Variants in CHN1 observed in about 807,000 individuals in gnomAD.
The protein encoded by CHN1 is N-chimaerin.
Under a neutral mutation model 59.5 loss-of-function variants are expected in CHN1, and 37 were observed. The observed-to-expected ratio is 0.62, with a 90% CI of 0.48 to 0.82. CHN1 has a LOEUF of 0.82. Among genes scored for constraint, CHN1 ranks in the 40% least tolerant of loss-of-function variants. CHN1 has a pLI of 0.00. For synonymous variants in CHN1, 206 were observed against 200.4 expected, an observed-to-expected ratio of 1.03 and a Z score of -0.24; for missense variants, 469 against 571.0, an observed-to-expected ratio of 0.82 and a Z score of 1.82.
intron 5 of CHN1, among the ~76,000 whole-genome samples, chr2:174,902,561 AGAG>A (rs1327056842): frequency 1.3e-5 from 2 of 152,164 alleles, no homozygotes; most frequent in Admixed American, 6.5e-5. Context: ...ATCTAAACTA[AGAG>A]GAGAAAAACA....
At chr2:174,953,626 T>C (rs1333620945) in intron 1 of CHN1, among the ~76,000 whole-genome samples, 1 of 152,094 alleles carries the variant, frequency 6.6e-6, no homozygotes, top group Non-Finnish European at 1.5e-5. Flanking sequence ...ACACCAACTG[T>C]GACCAAGCTG....
intron 3 of CHN1, among the ~76,000 whole-genome samples, chr2:174,939,746 T>C (rs1031169850): frequency 3.9e-5 from 6 of 152,182 alleles, no homozygotes; most frequent in African/African-American, 1.2e-4. Flanking sequence ...TATTTAATCA[T>C]CCTTGATCAC....
chr2:174,955,200 AATTGATATATATATATATC>A (rs1213889352), intron 1 of CHN1, among the ~76,000 whole-genome samples: 7 of 41,262 alleles, frequency 1.7e-4, no homozygotes, highest in East Asian at 4.1e-4. Flanking sequence ...ATATATATAT[AATTGATATATATATATATC>A]TATATAGATA....
At chr2:174,925,111 T>C (rs1689131769) in intron 3 of CHN1, among the ~76,000 whole-genome samples, 1 of 151,924 alleles carries the variant, frequency 6.6e-6, no homozygotes, top group Non-Finnish European at 1.5e-5. Context: ...AATCCTAAGG[T>C]CTCCCACCAA....
chr2:174,805,044 TAA>T (rs1471441547), intron 11 of CHN1, among the ~76,000 whole-genome samples: 2 of 152,192 alleles, frequency 1.3e-5, no homozygotes, highest in African/African-American at 2.4e-5. Context: ...AAGCATAATT[TAA>T]GAGAGAAATA....
chr2:174,938,955 C>T (rs893529396), intron 3 of CHN1, among the ~76,000 whole-genome samples: 6 of 151,878 alleles, frequency 4.0e-5, no homozygotes, highest in African/African-American at 1.5e-4. Flanking sequence ...AAAGTTAATA[C>T]AATAAATATT....
intron 1 of CHN1, among the ~76,000 whole-genome samples, chr2:174,957,087 A>C (rs1460937296): frequency 2.0e-5 from 3 of 152,136 alleles, no homozygotes; most frequent in Non-Finnish European, 2.9e-5. Context: ...CAGCAACAAC[A>C]CTGGAACTCA....
At chr2:174,844,273 C>A (rs970361270) in intron 7 of CHN1, among the ~76,000 whole-genome samples, 1 of 151,394 alleles carries the variant, frequency 6.6e-6, no homozygotes, top group African/African-American at 2.4e-5. Flanking sequence ...ACTAAAAAAA[C>A]CCCAAACCCC....
chr2:174,962,663 CGGGGGG>C (rs539001023), intron 1 of CHN1, among the ~76,000 whole-genome samples: 27 of 18,052 alleles, frequency 1.5e-3, no homozygotes, highest in African/African-American at 2.6e-3. Flanking sequence ...TTGGAAGGCC[CGGGGGG>C]GGGGGGGGGG....
chr2:174,975,847 A>C (rs2105443564), intron 1 of CHN1, among the ~76,000 whole-genome samples: 1 of 152,050 alleles, frequency 6.6e-6, no homozygotes. Context: ...TAAAACAAAC[A>C]AAAGTGGCTC....
chr2:174,976,331 G>A (rs1690937848), intron 1 of CHN1, among the ~76,000 whole-genome samples: 1 of 151,568 alleles, frequency 6.6e-6, no homozygotes, highest in African/African-American at 2.4e-5. Context: ...TCCGCCTCCC[G>A]GGTTCAAGCA....
intron 5 of CHN1, among the ~76,000 whole-genome samples, chr2:174,894,665 C>T (rs998201170): frequency 1.3e-5 from 2 of 152,070 alleles, no homozygotes; most frequent in Non-Finnish European, 2.9e-5. Flanking sequence ...AAGATACTTG[C>T]ACACCCATAT....
intron 7 of CHN1, among the ~76,000 whole-genome samples, chr2:174,839,980 TTAAAC>T (rs1686232394): frequency 6.6e-6 from 1 of 151,998 alleles, no homozygotes; most frequent in Non-Finnish European, 1.5e-5. Context: ...TCTCCAAAGT[TTAAAC>T]TACCCTCTGT....
chr2:174,856,521 A>T (rs915338971), intron 6 of CHN1, among the ~76,000 whole-genome samples: 2 of 152,206 alleles, frequency 1.3e-5, no homozygotes, highest in Non-Finnish European at 2.9e-5. Flanking sequence ...ATGCAAACAA[A>T]AAAGGATAGC....
chr2:174,952,264 A>G, intron 1 of CHN1, 62 bp from the exon 2 acceptor site: 1 of 978,462 alleles, frequency 1.0e-6, no homozygotes, highest in Non-Finnish European at 1.5e-6. Context: ...AGACATTTTA[A>G]TCATTAACTC....
chr2:174,993,986 G>A (rs911293380), intron 1 of CHN1, among the ~76,000 whole-genome samples: 3 of 152,112 alleles, frequency 2.0e-5, no homozygotes, highest in African/African-American at 4.8e-5. Context: ...TTCAGACCTC[G>A]AAAAGGTTAA....
At chr2:174,808,450 A>AT (rs1172749191) in intron 11 of CHN1, among the ~76,000 whole-genome samples, 1 of 152,004 alleles carries the variant, frequency 6.6e-6, no homozygotes, top group African/African-American at 2.4e-5. Flanking sequence ...CGCCCAGCTA[A>AT]TTTTTTGTAT....
chr2:174,907,951 T>C (rs1004588998), intron 5 of CHN1, among the ~76,000 whole-genome samples: 2 of 152,228 alleles, frequency 1.3e-5, no homozygotes, highest in South Asian at 2.1e-4. Context: ...TCAGTGTTTA[T>C]CATTTGTTCT....
intron 1 of CHN1, among the ~76,000 whole-genome samples, chr2:174,952,989 T>C (rs1005260955): frequency 3.3e-5 from 5 of 152,260 alleles, no homozygotes; most frequent in East Asian, 1.9e-4. Context: ...CAGTAAAGCA[T>C]AGCTGGGGAC....
Sources: gnomAD v4.1 joint callset for allele counts (sites outside exome capture counted in the v4.1 genomes callset) on GRCh38, gnomAD v4.1.1 for gene constraint, MANE v1.5 for transcripts, NCBI Gene and HGNC (gene_info 2026-07-23, HGNC 2026-07-21) for gene names.